BNIP3L: variants seen among roughly 807,000 people sequenced by gnomAD.
The protein encoded by BNIP3L is BCL2 interacting protein 3 like.
BNIP3L carries 10 observed loss-of-function variants against 25.5 expected under a neutral mutation model. The ratio of observed to expected loss-of-function variants is 0.39; its 90% CI spans 0.24 to 0.67. The LOEUF is 0.67. Ranked by LOEUF, BNIP3L falls within the 30% of genes least tolerant of loss-of-function variation. BNIP3L has a pLI of 0.45. For missense variants in BNIP3L, 215 were observed against 270.9 expected, an observed-to-expected ratio of 0.79 and a Z score of 1.45; for synonymous variants, 113 against 101.2, an observed-to-expected ratio of 1.12 and a Z score of -0.70.
At position 26,390,562 on chromosome 8, in the gene BNIP3L, A is replaced by C. The variant is rs547094138; in HGVS notation, c.101-681A>C. The C allele has an allele frequency of 3.6e-4, 350 of 982,780 alleles. 2 individuals carry two copies. In the African/African-American group the frequency reaches 4.3e-3, roughly 12 times the overall value. 60.9% of individuals were successfully genotyped at this position (982,780 alleles called of 1,614,324 possible). ...AAGGAGAAGGACTAGAAAGCCTGAG[A>C]TACAAAGGAAATGAAGAAACTAATC... is the stretch of plus-strand genomic sequence containing the variant. On this transcript the variant is annotated intron_variant, in intron 1 of 5. Transcript: ENST00000380629.
At chr8:26,391,921 G>A (rs1806121460) in intron 2 of BNIP3L, among the ~76,000 whole-genome samples, 1 of 152,156 alleles carries the variant, frequency 6.6e-6, no homozygotes, top group Non-Finnish European at 1.5e-5. Context: ...TGATTCATAG[G>A]AACTGCAGGT....
chr8:26,393,165 T>C (rs984224042), intron 2 of BNIP3L, among the ~76,000 whole-genome samples: 1 of 151,862 alleles, frequency 6.6e-6, no homozygotes, highest in Non-Finnish European at 1.5e-5. Context: ...ACTCACATCA[T>C]CTGAATTGCC....
chr8:26,388,928 G>A (rs376697531), intron 1 of BNIP3L, among the ~76,000 whole-genome samples: 2 of 152,174 alleles, frequency 1.3e-5, no homozygotes, highest in African/African-American at 4.8e-5. Flanking sequence ...AATCAAGGCC[G>A]CAGTGAGCTG....
Position 26,408,326 on chromosome 8 carries a change from G to C in BNIP3L, c.561G>C (p.Lys187Asn). 6.2e-7 allele frequency: 1 copy of C among 1,614,214 alleles called. No homozygotes were observed. The highest frequency in any genetic ancestry group is 8.5e-7 in the Non-Finnish European group (1 of 1,180,030). ...GTATTTTCTCCGCAGAATTTCTGAA[G>C]GTGTTCATTCCATCTCTCTTCCTTT... is the stretch of plus-strand genomic sequence containing the variant. ...KGGIFSAEFL[K>N]VFIPSLFLSH... The change falls in exon 5 of 6, where the codon AAG becomes AAC. Residue 187 changes from lysine to asparagine, a missense_variant. Lys to Asn is a moderately conservative substitution (Grantham distance 94). Transcript: ENST00000380629.
chr8:26,412,950 C>T lies in BNIP3L; in HGVS notation c.*2538C>T, dbSNP rs1034149788. On this transcript the variant is annotated 3_prime_UTR_variant, in exon 6 of 6. Coordinates refer to ENST00000380629, the MANE Select transcript of BNIP3L (RefSeq NM_004331.3). ...AAAAAATGAGAATTGAAGACTTAGC[C>T]AGTCAGATAAGTTTTTTCATGAACC... 6.6e-6 allele frequency: 1 copy of T among 152,562 alleles called. No individual in the cohort carries two copies. The highest frequency in any genetic ancestry group is 2.4e-5 in the African/African-American group (1 of 41,424). 9.5% of individuals were successfully genotyped at this position (152,562 alleles called of 1,614,324 possible). A position where few individuals can be genotyped will look rare whatever the true frequency, so the allele number is the denominator to read the frequency against.
intron 3 of BNIP3L, among the ~76,000 whole-genome samples, chr8:26,407,380 G>A (rs1158131185): frequency 6.6e-6 from 1 of 151,858 alleles, no homozygotes; most frequent in Admixed American, 6.6e-5. Flanking sequence ...TAGACACAGG[G>A]TTTCACTGTG....
chr8:26,389,306 C>G (rs1039092761), intron 1 of BNIP3L, among the ~76,000 whole-genome samples: 3 of 152,130 alleles, frequency 2.0e-5, no homozygotes, highest in Admixed American at 2.0e-4. Context: ...TCCCCCACCC[C>G]CTTTCTCTCC....
intron 1 of BNIP3L, among the ~76,000 whole-genome samples, chr8:26,384,443 T>G (rs1805940551): frequency 6.6e-6 from 1 of 152,216 alleles, no homozygotes; most frequent in Admixed American, 6.5e-5. Context: ...TATTCCAGAA[T>G]GTAAGATGGT....
intron 2 of BNIP3L, among the ~76,000 whole-genome samples, chr8:26,392,836 T>A (rs907819414): frequency 2.0e-5 from 3 of 152,180 alleles, no homozygotes; most frequent in African/African-American, 7.2e-5. Flanking sequence ...TGATCATTGA[T>A]ACCATGGTGT....
intron 5 of BNIP3L, among the ~76,000 whole-genome samples, chr8:26,409,970 C>G (rs934988409): frequency 2.0e-5 from 3 of 151,900 alleles, no homozygotes; most frequent in Non-Finnish European, 4.4e-5. Context: ...ACATAGAGCA[C>G]CAGAATAATT....
At chr8:26,392,850 T>C (rs1048494938) in intron 2 of BNIP3L, among the ~76,000 whole-genome samples, 3 of 152,180 alleles carry the variant, frequency 2.0e-5, no homozygotes, top group Non-Finnish European at 4.4e-5. Context: ...ATGGTGTCCA[T>C]GAGCCTGTTG....
chr8:26,409,472 C>A (rs1049431806), intron 5 of BNIP3L, among the ~76,000 whole-genome samples: 3 of 152,154 alleles, frequency 2.0e-5, no homozygotes, highest in Non-Finnish European at 2.9e-5. Context: ...TTCCACACAC[C>A]CGTCTTGTCT....
At chr8:26,407,625 G>A (rs1199009210) in intron 3 of BNIP3L, among the ~76,000 whole-genome samples, 3 of 152,156 alleles carry the variant, frequency 2.0e-5, no homozygotes, top group Non-Finnish European at 4.4e-5. Context: ...ACTGCACCCG[G>A]CCTAATTACG....
At chr8:26,399,852 T>A (rs912894846) in intron 3 of BNIP3L, among the ~76,000 whole-genome samples, 2 of 100,642 alleles carry the variant, frequency 2.0e-5, no homozygotes, top group Non-Finnish European at 4.1e-5. Context: ...GAATCCAACT[T>A]ACAAGGGATG....
chr8:26,391,475 A>G lies in BNIP3L; in HGVS notation c.284+49A>G, dbSNP rs774541364. ...GGAATTCAGGAAACAGGTGGGTTAC[A>G]GGGCTCATTCACTCTAGGAAAAATC... On this transcript the variant is annotated intron_variant, in intron 2 of 5. Coordinates refer to ENST00000380629, the MANE Select transcript of BNIP3L (RefSeq NM_004331.3). The G allele has an allele frequency of 3.0e-5, 43 of 1,436,802 alleles. No homozygotes were observed. In the Admixed American group the frequency reaches 1.2e-3, roughly 39 times the overall value. The allele number at this position is 1,436,802 out of a possible 1,614,324, so 89.0% of individuals were successfully genotyped here.
chr8:26,409,292 C>T (rs1806569729), intron 5 of BNIP3L, among the ~76,000 whole-genome samples: 1 of 152,062 alleles, frequency 6.6e-6, no homozygotes, highest in African/African-American at 2.4e-5. Flanking sequence ...AGGAGTTAAA[C>T]AGTAGCTGTT....
rs1806652829 is a variant in BNIP3L, at chr8:26,412,560, A to G, written c.*2148A>G. ...CTTAAAGCATCAGTGAAATTATGGA[A>G]AATTACTTAAAACGTGAATACATCA... is the stretch of plus-strand genomic sequence containing the variant. On this transcript the variant is annotated 3_prime_UTR_variant, in exon 6 of 6. Coordinates refer to ENST00000380629, the MANE Select transcript of BNIP3L (RefSeq NM_004331.3). The G allele has an allele frequency of 6.6e-6, 1 of 152,350 alleles. No individual in the cohort carries two copies. The highest frequency in any genetic ancestry group is 2.1e-4 in the South Asian group (1 of 4,832). The allele number at this position is 152,350 out of a possible 1,614,324, so 9.4% of individuals were successfully genotyped here. A position where few individuals can be genotyped will look rare whatever the true frequency, so the allele number is the denominator to read the frequency against.
At chr8:26,391,080 AG>A (rs1806098634) in intron 1 of BNIP3L, among the ~76,000 whole-genome samples, 162 bp from the exon 2 acceptor site, 1 of 152,198 alleles carries the variant, frequency 6.6e-6, no homozygotes, top group African/African-American at 2.4e-5. Context: ...AGAACTATAT[AG>A]ATCTTTAGAC....
chr8:26,398,647 G>C (rs1164512084), intron 3 of BNIP3L, among the ~76,000 whole-genome samples: 1 of 129,236 alleles, frequency 7.7e-6, no homozygotes, highest in Non-Finnish European at 1.7e-5. Context: ...AGGAAATAGA[G>C]ACACAAAAAA....
Sources: gnomAD v4.1 joint callset for allele counts (sites outside exome capture counted in the v4.1 genomes callset) on GRCh38, gnomAD v4.1.1 for gene constraint, MANE v1.5 for transcripts, NCBI Gene and HGNC (gene_info 2026-07-23, HGNC 2026-07-21) for gene names.